MGAT4C: variants seen among roughly 807,000 people sequenced by gnomAD.
The protein encoded by MGAT4C is MGAT4 family member C.
MGAT4C carries 19 observed loss-of-function variants against 40.1 expected under a neutral mutation model. That is an observed-to-expected ratio of 0.47 (90% confidence interval 0.33 to 0.70). The LOEUF (loss-of-function observed/expected upper bound fraction) is 0.70. Ranked by LOEUF, MGAT4C falls within the 30% of genes least tolerant of loss-of-function variation. The probability of loss-of-function intolerance (pLI) is 0.02; values close to 1 mark genes in which losing one functional copy is unlikely to be tolerated. For synonymous variants in MGAT4C, 181 were observed against 187.1 expected, an observed-to-expected ratio of 0.97 and a Z score of 0.27; for missense variants, 491 against 563.2, an observed-to-expected ratio of 0.87 and a Z score of 1.30.
At chr12:86,727,361 T>A (rs1950838931) in intron 1 of MGAT4C, 1 of 152,090 alleles carries the variant, frequency 6.6e-6, no homozygotes, top group Non-Finnish European at 1.5e-5. Flanking sequence ...TGGCTTCTTT[T>A]AGTGGTGGTA....
At chr12:86,560,595 A>G (rs983321207) in intron 2 of MGAT4C, among the ~76,000 whole-genome samples, 1 of 152,160 alleles carries the variant, frequency 6.6e-6, no homozygotes, top group African/African-American at 2.4e-5. Context: ...ATATTCTTTC[A>G]TGATAAAGTT....
At chr12:86,674,249 A>G (rs1379184235) in intron 2 of MGAT4C, among the ~76,000 whole-genome samples, 1 of 152,216 alleles carries the variant, frequency 6.6e-6, no homozygotes, top group Non-Finnish European at 1.5e-5. Context: ...ATATTTTCTA[A>G]TATTATCAAA....
intron 1 of MGAT4C, among the ~76,000 whole-genome samples, chr12:86,062,079 G>A (rs1477069279): frequency 6.6e-6 from 1 of 152,108 alleles, no homozygotes; most frequent in African/African-American, 2.4e-5. Flanking sequence ...ATCCTGACTG[G>A]GAGACACCAC....
Position 86,815,637 on chromosome 12 carries a change from T to C in MGAT4C, c.-262+23029A>G, listed in dbSNP as rs546799908. ...ATAAGGAAACTGTGATATTATATAA[T>C]ATTATATAATTTATATTATATGATA... On this transcript the variant is annotated intron_variant, in intron 1 of 7. Coordinates refer to the MGAT4C transcript ENST00000548651. Among the ~76,000 whole-genome samples, 261 of 151,152 alleles carry C rather than the reference T, an allele frequency of 1.7e-3. 1 individual carries two copies. Among genetic ancestry groups the C allele is most frequent in the Middle Eastern group, 7.1e-3 (2 of 282 alleles).
chr12:86,381,156 C>T (rs1351315513), intron 3 of MGAT4C, among the ~76,000 whole-genome samples: 1 of 151,972 alleles, frequency 6.6e-6, no homozygotes, highest in Non-Finnish European at 1.5e-5. Flanking sequence ...CATGTGTACC[C>T]AGCTTTATAA....
rs558097746 is a variant in MGAT4C at position 86,835,501 on chromosome 12, C to T, written c.-262+3165G>A. Reference sequence around the variant, plus strand: ...TAAGGCCATATCACTAGATAATCCACGTAGCAAAATAAAATGCAAATGAAA... The same window carrying T: ...TAAGGCCATATCACTAGATAATCCATGTAGCAAAATAAAATGCAAATGAAA... On this transcript the variant is annotated intron_variant, in intron 1 of 7. Coordinates refer to the MGAT4C transcript ENST00000548651. Among the ~76,000 whole-genome samples the T allele has an allele frequency of 1.4e-4, 21 of 151,544 alleles. No homozygotes were observed. The East Asian group carries it at 2.9e-3, about 21-fold the overall frequency.
At chr12:86,774,345 C>CTTTCTTTTTCTTTCTTTCTT (rs1951708548) in intron 1 of MGAT4C, among the ~76,000 whole-genome samples, 4 of 14,906 alleles carry the variant, frequency 2.7e-4, no homozygotes, top group Admixed American at 7.1e-4. Flanking sequence ...CTTTCTGTCT[C>CTTTCTTTTTCTTTCTTTCTT]TCTCTCTCCC....
At chr12:86,198,060 T>A (rs1290606990) in intron 1 of MGAT4C, among the ~76,000 whole-genome samples, 1 of 152,166 alleles carries the variant, frequency 6.6e-6, no homozygotes, top group African/African-American at 2.4e-5. Flanking sequence ...TTAAGTAAGA[T>A]CAGAATTTTT....
intron 1 of MGAT4C, among the ~76,000 whole-genome samples, chr12:86,139,574 TTGA>T (rs1290471525): frequency 6.6e-6 from 1 of 152,064 alleles, no homozygotes; most frequent in African/African-American, 2.4e-5. Flanking sequence ...CATTCCAATG[TTGA>T]TGGGTATTTG....
chr12:86,227,195 T>C (rs1007228146), intron 1 of MGAT4C, among the ~76,000 whole-genome samples: 1 of 150,540 alleles, frequency 6.6e-6, no homozygotes, highest in Non-Finnish European at 1.5e-5. Flanking sequence ...TTTTTTTTCT[T>C]CTTTCTCAAT....
chr12:86,208,794 C>T (rs1950353397), intron 1 of MGAT4C, among the ~76,000 whole-genome samples: 1 of 152,066 alleles, frequency 6.6e-6, no homozygotes, highest in South Asian at 2.1e-4. Flanking sequence ...TCCCCAAATT[C>T]CAAATTCTAA....
At chr12:86,080,461 A>G (rs1485751714) in intron 1 of MGAT4C, among the ~76,000 whole-genome samples, 1 of 152,196 alleles carries the variant, frequency 6.6e-6, no homozygotes, top group Non-Finnish European at 1.5e-5. Flanking sequence ...TATCAAATAG[A>G]GCATTTAAGA....
intron 2 of MGAT4C, among the ~76,000 whole-genome samples, chr12:86,686,807 A>G (rs1950080250): frequency 6.6e-6 from 1 of 152,030 alleles, no homozygotes; most frequent in Admixed American, 6.6e-5. Flanking sequence ...TCTTTTTGTT[A>G]TGTCTCTGCC....
chr12:86,648,266 T>A (rs527486015), intron 2 of MGAT4C, among the ~76,000 whole-genome samples: 2 of 152,098 alleles, frequency 1.3e-5, no homozygotes, highest in South Asian at 4.1e-4. Flanking sequence ...TTCATTTGCA[T>A]ACTCTAATTA....
chr12:86,645,846 CA>C (rs1330659274), intron 2 of MGAT4C, among the ~76,000 whole-genome samples: 2 of 151,712 alleles, frequency 1.3e-5, no homozygotes, highest in African/African-American at 4.8e-5. Flanking sequence ...TTTTTCTACT[CA>C]ATATAGGTAA....
At chr12:86,679,547 TTA>T (rs1270509031) in intron 2 of MGAT4C, among the ~76,000 whole-genome samples, 1 of 151,958 alleles carries the variant, frequency 6.6e-6, no homozygotes, top group Non-Finnish European at 1.5e-5. Flanking sequence ...ACCCCAAAAT[TTA>T]TATGTTAAAA....
rs1882879599 is a variant in MGAT4C, at chr12:85,957,679, AAG to A, written c.*21608_*21609del. On this transcript the variant is annotated 3_prime_UTR_variant, in exon 5 of 5. Transcript: ENST00000611864. ...AAGCAAAAAAAAAAAAAAAAGAAAA[AAG>A]AAAAAAAAAATCTATCAATCCTGAA... 2.7e-5 allele frequency: 4 copies of A among 149,846 alleles called. No homozygotes were observed. The highest frequency in any genetic ancestry group is 2.0e-4 in the Admixed American group (3 of 15,086). 9.3% of individuals were successfully genotyped at this position (149,846 alleles called of 1,614,324 possible). A position where few individuals can be genotyped will look rare whatever the true frequency, so the allele number is the denominator to read the frequency against.
At chr12:86,345,506 A>G (rs572682256) in intron 3 of MGAT4C, among the ~76,000 whole-genome samples, 54 of 150,124 alleles carry the variant, frequency 3.6e-4, no homozygotes, top group Admixed American at 1.0e-3. Context: ...ATTCCCACCT[A>G]TGAGTGAGAA....
chr12:86,834,218 G>GA (rs1566022729), intron 1 of MGAT4C, among the ~76,000 whole-genome samples: 12 of 104,862 alleles, frequency 1.1e-4, no homozygotes, highest in Non-Finnish European at 2.3e-4. Context: ...ATAGATATAG[G>GA]TCCATCTATA....
Sources: allele counts gnomAD v4.1 joint callset (sites outside exome capture counted in the v4.1 genomes callset), GRCh38; gene constraint gnomAD v4.1.1; transcripts MANE v1.5; gene names NCBI Gene and HGNC (gene_info 2026-07-23, HGNC 2026-07-21).